The following SCYGR7 variants were observed in gnomAD, a reference collection of about 807,000 sequenced individuals.
SCYGR7 encodes small cysteine and glycine repeat-containing protein 7.
exon 1 of SCYGR7, chr2:227,728,399 G>A (rs1466856919): frequency 7.4e-6 from 3 of 405,730 alleles, no homozygotes; most frequent in Admixed American, 4.4e-5. Flanking sequence ...TGCGGTGGTG[G>A]CTGCGGTGGT....
At chr2:227,728,349 T>C (rs34165984) in exon 1 of SCYGR7, 68,691 of 404,034 alleles carry the variant, frequency 0.17, 6,761 homozygotes, top group Middle Eastern at 0.27. Context: ...GTTGCTGTGG[T>C]TGTGGAAGTT....
chr2:227,728,524 G>A (rs141448454), exon 1 of SCYGR7: 10,133 of 399,348 alleles, frequency 0.025, 517 homozygotes, highest in East Asian at 0.14. Context: ...CAGCACACCT[G>A]TGATCTGCTG....
chr2:227,728,404 G>GGTGGTGGCTGCGGTGGTGGCT (rs1696588607), exon 1 of SCYGR7: 1 of 404,106 alleles, frequency 2.5e-6, no homozygotes, highest in South Asian at 1.2e-4. Context: ...TGGTGGCTGC[G>GGTGGTGGCTGCGGTGGTGGCT]GTGGTGGCTG....
chr2:227,728,368 T>G lies in SCYGR7; in HGVS notation c.34T>G (p.Cys12Gly), dbSNP rs978100657. ...CTGTGGTTGTGGAAGTTGTGGTGGC[T>G]GCGGTGGTGGCTGTGGTGGCTGCGG... Residue 12 changes from cysteine to glycine, a missense_variant, in exon 1 of 1, where the codon TGC becomes GGC. Coordinates refer to ENST00000641700, the Ensembl canonical transcript of SCYGR7. 61 of 406,866 alleles carry G rather than the reference T, an allele frequency of 1.5e-4. No individual in the cohort carries two copies. In the Middle Eastern group the frequency reaches 1.8e-3, roughly 12 times the overall value. 25.2% of individuals were successfully genotyped at this position (406,866 alleles called of 1,614,324 possible). A position where few individuals can be genotyped will look rare whatever the true frequency, so the allele number is the denominator to read the frequency against.
exon 1 of SCYGR7, chr2:227,728,600 G>A (rs71431073): frequency 0.34 from 136,959 of 398,856 alleles, 24,458 homozygotes; most frequent in Middle Eastern, 0.41. Context: ...CAGAAAGGCT[G>A]CTGCCAGAAG....
exon 1 of SCYGR7, chr2:227,728,493 C>A (rs911363434): frequency 2.0e-5 from 8 of 399,306 alleles, no homozygotes; most frequent in Admixed American, 4.4e-5. Context: ...CCTGCTGCCG[C>A]GGCTGCTGTG....
At chr2:227,728,597 G>C (rs1696595382) in exon 1 of SCYGR7, 2 of 399,134 alleles carry the variant, frequency 5.0e-6, no homozygotes, top group Non-Finnish European at 8.8e-6. Flanking sequence ...CAGCAGAAAG[G>C]CTGCTGCCAG....
exon 1 of SCYGR7, chr2:227,728,493 C>CGGCTGCTGTGGG (rs1559266116): frequency 2.5e-6 from 1 of 399,304 alleles, no homozygotes; most frequent in African/African-American, 2.1e-5. Flanking sequence ...CCTGCTGCCG[C>CGGCTGCTGTGGG]GGCTGCTGTG....
exon 1 of SCYGR7, chr2:227,728,374 GGTGGCT>G: frequency 4.9e-6 from 2 of 406,660 alleles, no homozygotes; most frequent in Non-Finnish European, 8.6e-6. Flanking sequence ...TGGCTGCGGT[GGTGGCT>G]GTGGTGGCTG....
exon 1 of SCYGR7, chr2:227,728,456 G>A (rs978048192): frequency 3.5e-5 from 14 of 400,408 alleles, no homozygotes; most frequent in East Asian, 2.8e-4. Context: ...AGGTGCTACC[G>A]GGTGGGCTGC....
exon 1 of SCYGR7, chr2:227,728,565 C>T (rs565202449): frequency 1.8e-4 from 73 of 398,940 alleles, no homozygotes; most frequent in African/African-American, 5.5e-4. Context: ...CATGTGGCTG[C>T]GGCTGTGGGA....
exon 1 of SCYGR7, chr2:227,728,460 G>A: frequency 2.5e-6 from 1 of 399,698 alleles, no homozygotes; most frequent in Non-Finnish European, 4.4e-6. Flanking sequence ...GCTACCGGGT[G>A]GGCTGCTGCT....
At chr2:227,728,458 G>A (rs925283190) in exon 1 of SCYGR7, 2 of 399,786 alleles carry the variant, frequency 5.0e-6, no homozygotes, top group Non-Finnish European at 8.8e-6. Flanking sequence ...GTGCTACCGG[G>A]TGGGCTGCTG....
rs1317188219 is a variant in SCYGR7, at chr2:227,728,469, C to CTCCA, written c.136_139dup (p.Ser47IlefsTer?). On this transcript the variant is annotated frameshift_variant, in exon 1 of 1. Transcript: ENST00000641700. LOFTEE classifies it high-confidence loss of function. ...GCAGGTGCTACCGGGTGGGCTGCTG[C>CTCCA]TCCAGCTGCTGCCCCTGCTGCCGCG... 2.5e-6 allele frequency: 1 copy of CTCCA among 399,752 alleles called. No individual in the cohort carries two copies. The highest frequency in any genetic ancestry group is 4.4e-5 in the Admixed American group (1 of 22,718). 24.8% of individuals were successfully genotyped at this position (399,752 alleles called of 1,614,324 possible).
chr2:227,728,540 G>C, exon 1 of SCYGR7: 1 of 399,178 alleles, frequency 2.5e-6, no homozygotes, highest in Admixed American at 4.4e-5. Flanking sequence ...TGCTGCTGCC[G>C]CCGCACCTGC....
At position 227,728,380 on chromosome 2, in the gene SCYGR7, T is replaced by TGTGGTGGCTGCG. The variant is rs532364109; in HGVS notation, c.81_92dup (p.Gly29_Gly32dup). The TGTGGTGGCTGCG allele has an allele frequency of 3.5e-4, 140 of 403,106 alleles. 1 individual carries two copies. Among genetic ancestry groups the TGTGGTGGCTGCG allele is most frequent in the East Asian group, 1.2e-3 (35 of 28,318 alleles). 25.0% of individuals were successfully genotyped at this position (403,106 alleles called of 1,614,324 possible). On this transcript the variant is annotated inframe_insertion, in exon 1 of 1. Transcript: ENST00000641700. ...AAGTTGTGGTGGCTGCGGTGGTGGC[T>TGTGGTGGCTGCG]GTGGTGGCTGCGGTGGTGGCTGCGG...
At chr2:227,728,517 C>T (rs575032160) in exon 1 of SCYGR7, 86 of 399,466 alleles carry the variant, frequency 2.2e-4, no homozygotes, top group Middle Eastern at 1.9e-3. Context: ...GCTGCTGCAG[C>T]ACACCTGTGA....
chr2:227,728,392 G>GGTGGGGGCTGCGGTGGTGGCT, exon 1 of SCYGR7: 1 of 392,694 alleles, frequency 2.5e-6, no homozygotes, highest in East Asian at 3.6e-5. Flanking sequence ...TGGTGGCTGC[G>GGTGGGGGCTGCGGTGGTGGCT]GTGGTGGCTG....
exon 1 of SCYGR7, chr2:227,728,380 T>TGTGGTGGTGGCTGTGGTGGCTGCG (rs1553579051): frequency 2.5e-6 from 1 of 402,980 alleles, no homozygotes; most frequent in Non-Finnish European, 4.3e-6. Flanking sequence ...CGGTGGTGGC[T>TGTGGTGGTGGCTGTGGTGGCTGCG]GTGGTGGCTG....
Sources: gnomAD v4.1 joint callset for allele counts on GRCh38, gnomAD v4.1.1 for gene constraint, MANE v1.5 for transcripts, NCBI Gene and HGNC (gene_info 2026-07-23, HGNC 2026-07-21) for gene names.